The following ACOXL variants were observed in gnomAD, a reference collection of about 807,000 sequenced individuals.
ACOXL encodes the protein acyl-coenzyme A oxidase-like protein.
In ACOXL, 70 loss-of-function variants were observed where a neutral mutation model predicts 71.9. That is an observed-to-expected ratio of 0.97 (90% confidence interval 0.80 to 1.19). ACOXL has a LOEUF of 1.19. Ranked by LOEUF, ACOXL falls within the 50% of genes most tolerant of loss-of-function variation. The pLI is 0.00. For missense variants in ACOXL, 703 were observed against 736.3 expected (o/e 0.95, Z 0.52); for synonymous variants, 253 against 281.6 (o/e 0.90, Z 1.02).
At chr2:111,022,377 A>G (rs541982854) in intron 14 of ACOXL, among the ~76,000 whole-genome samples, 1 of 152,024 alleles carries the variant, frequency 6.6e-6, no homozygotes, top group African/African-American at 2.4e-5. Flanking sequence ...AAAAAAAGAA[A>G]AAGAAAAATA....
intron 15 of ACOXL, among the ~76,000 whole-genome samples, chr2:111,048,436 A>G (rs2066125911): frequency 1.3e-5 from 2 of 152,220 alleles, no homozygotes; most frequent in South Asian, 4.1e-4. Context: ...TGAGGGTGGC[A>G]GAGAATTGTG....
At chr2:110,908,249 T>G (rs1044829778) in intron 10 of ACOXL, among the ~76,000 whole-genome samples, 8 of 152,220 alleles carry the variant, frequency 5.3e-5, no homozygotes, top group African/African-American at 1.9e-4. Flanking sequence ...AGATGCTGTC[T>G]GCAGGGCACA....
intron 10 of ACOXL, among the ~76,000 whole-genome samples, chr2:110,889,496 A>AT (rs1266060426): frequency 6.6e-6 from 1 of 152,084 alleles, no homozygotes; most frequent in Non-Finnish European, 1.5e-5. Flanking sequence ...GTCACTCCCA[A>AT]TTACCCCTCC....
chr2:110,784,527 A>G (rs1005031427), intron 2 of ACOXL, among the ~76,000 whole-genome samples: 3 of 152,224 alleles, frequency 2.0e-5, no homozygotes, highest in African/African-American at 4.8e-5. Context: ...TAACACTAAC[A>G]AGGTTAGAGA....
intron 1 of ACOXL, among the ~76,000 whole-genome samples, chr2:110,751,999 T>C (rs1461571337): frequency 6.6e-6 from 1 of 151,838 alleles, no homozygotes; most frequent in African/African-American, 2.4e-5. Flanking sequence ...TAATCCCATT[T>C]CTTTTCTTTC....
intron 12 of ACOXL, among the ~76,000 whole-genome samples, chr2:110,950,180 TG>T (rs1454468347): frequency 2.0e-5 from 3 of 152,164 alleles, no homozygotes; most frequent in African/African-American, 7.2e-5. Flanking sequence ...GACGAGTTAA[TG>T]GGTGCAGCAC....
At chr2:111,018,714 G>GGC (rs1553458311) in intron 14 of ACOXL, among the ~76,000 whole-genome samples, 1 of 135,006 alleles carries the variant, frequency 7.4e-6, no homozygotes, top group South Asian at 2.1e-4. Flanking sequence ...AGGCTGGAGG[G>GGC]GGTGTTGGTG....
chr2:110,879,485 C>G (rs997743181), intron 10 of ACOXL, among the ~76,000 whole-genome samples: 1 of 152,184 alleles, frequency 6.6e-6, no homozygotes, highest in Non-Finnish European at 1.5e-5. Flanking sequence ...CCAACAATCT[C>G]TCCCGGAAAA....
At chr2:110,832,090 G>C (rs1483920733) in intron 9 of ACOXL, among the ~76,000 whole-genome samples, 1 of 152,176 alleles carries the variant, frequency 6.6e-6, no homozygotes, top group East Asian at 1.9e-4. Context: ...CCAGCTACTT[G>C]GGAGGAGTTT....
At chr2:110,962,094 C>T (rs1263045617) in intron 12 of ACOXL, among the ~76,000 whole-genome samples, 1 of 152,234 alleles carries the variant, frequency 6.6e-6, no homozygotes, top group African/African-American at 2.4e-5. Context: ...AATCCTGAGC[C>T]TCACTTGCTT....
At chr2:110,803,624 C>T (rs1037080401) in intron 8 of ACOXL, among the ~76,000 whole-genome samples, 5 of 152,094 alleles carry the variant, frequency 3.3e-5, no homozygotes, top group South Asian at 2.1e-4. Context: ...GTCTATTAGA[C>T]GTGGCACCAA....
chr2:110,954,821 T>TG (rs11437640), intron 12 of ACOXL, among the ~76,000 whole-genome samples: 144,404 of 152,242 alleles, frequency 0.95, 68,944 homozygotes, highest in East Asian at 1. Context: ...CCATTTAGTG[T>TG]GGTCTGTAGT....
chr2:110,866,170 G>A (rs967410866), intron 10 of ACOXL, among the ~76,000 whole-genome samples: 1 of 152,206 alleles, frequency 6.6e-6, no homozygotes, highest in Non-Finnish European at 1.5e-5. Flanking sequence ...TGGGGGCCTG[G>A]GGACAGCAGT....
chr2:111,019,735 C>T (rs548397166), intron 14 of ACOXL, among the ~76,000 whole-genome samples: 12 of 152,336 alleles, frequency 7.9e-5, no homozygotes, highest in African/African-American at 1.9e-4. Flanking sequence ...AGACAGCGTG[C>T]GTGAAAGAAG....
At chr2:110,825,255 TCA>T (rs1297234252) in intron 9 of ACOXL, among the ~76,000 whole-genome samples, 1 of 152,212 alleles carries the variant, frequency 6.6e-6, no homozygotes, top group African/African-American at 2.4e-5. Context: ...ACAGATTTTT[TCA>T]CAGAGTTTTA....
chr2:110,829,940 G>A (rs1443100238), intron 9 of ACOXL, among the ~76,000 whole-genome samples: 1 of 152,178 alleles, frequency 6.6e-6, no homozygotes, highest in Non-Finnish European at 1.5e-5. Context: ...ACTTTTGAGT[G>A]TTTGTCCTTT....
In ACOXL at chr2:110,922,759, T is replaced by C. The variant is rs544469064; in HGVS notation, c.906-10730T>C. 1.4e-3 allele frequency among the ~76,000 whole-genome samples: 209 copies of C among 152,310 alleles called. 1 individual carries two copies. The highest frequency in any genetic ancestry group is 4.9e-3 in the African/African-American group (204 of 41,574). On this transcript the variant is annotated intron_variant, in intron 11 of 17. Coordinates refer to ENST00000439055, the MANE Select transcript of ACOXL (RefSeq NM_001142807.4). ...AGAGACGTAGACAAATGTCACAGTC[T>C]AGCTCAAGGAAAGAAACAAGAGGTG...
intron 14 of ACOXL, among the ~76,000 whole-genome samples, chr2:110,999,096 G>C (rs1200183347): frequency 2.6e-5 from 4 of 152,186 alleles, no homozygotes; most frequent in African/African-American, 4.8e-5. Flanking sequence ...TTAAACAACA[G>C]AAATTTATTT....
chr2:110,942,010 T>C (rs1344105421), intron 12 of ACOXL, among the ~76,000 whole-genome samples: 1 of 151,900 alleles, frequency 6.6e-6, no homozygotes, highest in Admixed American at 6.6e-5. Flanking sequence ...TCCATGAAAA[T>C]AGAATGCATG....
Sources: allele counts gnomAD v4.1 joint callset (sites outside exome capture counted in the v4.1 genomes callset), GRCh38; gene constraint gnomAD v4.1.1; transcripts MANE v1.5; gene names NCBI Gene and HGNC (gene_info 2026-07-23, HGNC 2026-07-21).